The following ANAPC10 variants were observed in gnomAD, a reference collection of about 807,000 sequenced individuals.
The protein encoded by ANAPC10 is anaphase-promoting complex subunit 10.
A neutral mutation model predicts 22.0 loss-of-function variants in ANAPC10; 12 were observed. That is an observed-to-expected ratio of 0.55 (90% CI 0.35 to 0.88). The LOEUF is 0.88. Among genes scored for constraint, ANAPC10 ranks in the 40% least tolerant of loss-of-function variants. The pLI is 0.01. For missense variants in ANAPC10, 188 were observed against 220.9 expected (o/e 0.85, Z 0.94); for synonymous variants, 65 against 69.5 (o/e 0.94, Z 0.32).
At chr4:145,070,147 G>A (rs1187204051) in intron 3 of ANAPC10, among the ~76,000 whole-genome samples, 1 of 152,190 alleles carries the variant, frequency 6.6e-6, no homozygotes, top group Admixed American at 6.5e-5. Context: ...CTAAAGCAGG[G>A]CTTGGTAAGC....
intron 4 of ANAPC10, among the ~76,000 whole-genome samples, chr4:145,050,477 C>T (rs1300471813): frequency 6.6e-6 from 1 of 152,236 alleles, no homozygotes; most frequent in African/African-American, 2.4e-5. Flanking sequence ...GCTGCATCAG[C>T]CCCTAACAAA....
intron 4 of ANAPC10, among the ~76,000 whole-genome samples, chr4:145,044,317 C>T (rs1366767829): frequency 6.6e-6 from 1 of 152,002 alleles, no homozygotes; most frequent in Non-Finnish European, 1.5e-5. Context: ...GCTTAAGATA[C>T]AGAACAAGGG....
intron 4 of ANAPC10, among the ~76,000 whole-genome samples, chr4:145,004,347 T>G (rs181095743): frequency 6.6e-6 from 1 of 152,316 alleles, no homozygotes; most frequent in East Asian, 1.9e-4. Flanking sequence ...TTCTCTTGCC[T>G]GATTGCTCTG....
At chr4:145,043,329 A>G (rs1440309301) in intron 4 of ANAPC10, among the ~76,000 whole-genome samples, 1 of 152,172 alleles carries the variant, frequency 6.6e-6, no homozygotes, top group East Asian at 1.9e-4. Flanking sequence ...ACTGTATTAA[A>G]ACAATAAGTA....
At chr4:145,092,208 G>A (rs1484096628) in intron 2 of ANAPC10, among the ~76,000 whole-genome samples, 1 of 152,110 alleles carries the variant, frequency 6.6e-6, no homozygotes, top group Admixed American at 6.6e-5. Context: ...AATAGCTAAT[G>A]CATGCTGGGC....
chr4:145,054,414 C>T lies in ANAPC10; in HGVS notation c.327+10158G>A, dbSNP rs561544165. Among the ~76,000 whole-genome samples the T allele has an allele frequency of 1.4e-3, 208 of 150,980 alleles. 1 individual carries two copies. Among genetic ancestry groups the T allele is most frequent in the Non-Finnish European group, 2.3e-3 (155 of 67,654 alleles). On this transcript the variant is annotated intron_variant, in intron 4 of 4. Coordinates refer to ENST00000507656, the MANE Select transcript of ANAPC10 (RefSeq NM_001256706.2). ...AAAAAAAAATATACAAAAAATTAGC[C>T]GGGCATGGTGGCAGGCGCCTGTAGT...
At chr4:145,014,075 G>A (rs1734745902) in intron 4 of ANAPC10, among the ~76,000 whole-genome samples, 2 of 152,050 alleles carry the variant, frequency 1.3e-5, no homozygotes, top group Non-Finnish European at 2.9e-5. Flanking sequence ...AGTCAAGAAG[G>A]CTCCTGGCCA....
At chr4:145,064,753 C>T in intron 3 of ANAPC10, 61 bp from the exon 4 acceptor site, 1 of 1,311,552 alleles carries the variant, frequency 7.6e-7, no homozygotes, top group South Asian at 1.7e-5. Flanking sequence ...TCCAATGCAT[C>T]TTATCTTCTG....
At chr4:145,096,163 T>C in intron 1 of ANAPC10, 52 bp from the exon 2 acceptor site, 2 of 1,571,964 alleles carry the variant, frequency 1.3e-6, no homozygotes, top group Non-Finnish European at 1.7e-6. Flanking sequence ...GGCATCTTTC[T>C]ACAAAAGTTT....
chr4:145,064,548 T>A, intron 4 of ANAPC10, 24 bp downstream of exon 4: 8 of 1,582,940 alleles, frequency 5.1e-6, no homozygotes, highest in Non-Finnish European at 6.9e-6. Context: ...GGATGACATA[T>A]TTTTAAAAAT....
intron 4 of ANAPC10, among the ~76,000 whole-genome samples, chr4:145,029,751 G>T (rs964738391): frequency 6.6e-6 from 1 of 152,124 alleles, no homozygotes; most frequent in Non-Finnish European, 1.5e-5. Flanking sequence ...TAGAGGAAGG[G>T]ATCCAAAAGC....
At chr4:145,083,578 T>C (rs1265846456) in intron 2 of ANAPC10, among the ~76,000 whole-genome samples, 3 of 152,188 alleles carry the variant, frequency 2.0e-5, no homozygotes, top group South Asian at 4.1e-4. Flanking sequence ...AAAGTTGGTA[T>C]GTTCTGAAAT....
intron 2 of ANAPC10, among the ~76,000 whole-genome samples, 158 bp from the exon 3 acceptor site, chr4:145,081,908 C>T (rs1434505987): frequency 6.6e-6 from 1 of 152,134 alleles, no homozygotes; most frequent in Admixed American, 6.5e-5. Context: ...CAGGGTCTTG[C>T]TGTGTTGCCC....
intron 4 of ANAPC10, among the ~76,000 whole-genome samples, chr4:145,034,541 A>G (rs1020462050): frequency 7.8e-5 from 11 of 140,470 alleles, no homozygotes; most frequent in African/African-American, 2.5e-4. Context: ...ATATATATAT[A>G]TATGTGTGTG....
chr4:145,026,808 T>C (rs1419346956), intron 4 of ANAPC10, among the ~76,000 whole-genome samples: 1 of 149,870 alleles, frequency 6.7e-6, no homozygotes, highest in East Asian at 2.0e-4. Context: ...CTCAGTGATA[T>C]AACATATTGC....
intron 4 of ANAPC10, among the ~76,000 whole-genome samples, chr4:145,041,691 C>G (rs1053386711): frequency 1.3e-4 from 20 of 152,180 alleles, no homozygotes; most frequent in African/African-American, 4.6e-4. Flanking sequence ...TAATAAGAAG[C>G]AAATTGAGGA....
chr4:145,058,419 A>T (rs1368361113), intron 4 of ANAPC10, among the ~76,000 whole-genome samples: 1 of 150,888 alleles, frequency 6.6e-6, no homozygotes, highest in Non-Finnish European at 1.5e-5. Context: ...ACAAAACAAT[A>T]TTGTGTTCCC....
chr4:145,037,630 A>G (rs1011613561), intron 4 of ANAPC10, among the ~76,000 whole-genome samples: 5 of 152,166 alleles, frequency 3.3e-5, no homozygotes, highest in Non-Finnish European at 7.4e-5. Context: ...TTTAACTATT[A>G]AGTAAACAAT....
chr4:145,039,369 G>A (rs1464803857), intron 4 of ANAPC10, among the ~76,000 whole-genome samples: 3 of 152,208 alleles, frequency 2.0e-5, no homozygotes, highest in African/African-American at 7.2e-5. Context: ...GTGGAATTCT[G>A]AAAGAGATTG....
Sources: allele counts gnomAD v4.1 joint callset (sites outside exome capture counted in the v4.1 genomes callset), GRCh38; gene constraint gnomAD v4.1.1; transcripts MANE v1.5; gene names NCBI Gene and HGNC (gene_info 2026-07-23, HGNC 2026-07-21).